The following IRF5 variants were observed in gnomAD, a reference collection of about 807,000 sequenced individuals.
The protein encoded by IRF5 is interferon regulatory factor 5.
A neutral mutation model predicts 55.1 loss-of-function variants in IRF5; 24 were observed. The ratio of observed to expected loss-of-function variants is 0.44; its 90% CI spans 0.32 to 0.61. The LOEUF is 0.61. IRF5 is among the 20% of genes least tolerant of loss of function. IRF5 has a pLI of 0.07. For missense variants in IRF5, 499 were observed against 658.5 expected, an observed-to-expected ratio of 0.76 and a Z score of 2.65; for synonymous variants, 258 against 260.2, an observed-to-expected ratio of 0.99 and a Z score of 0.08.
chr7:128,938,405 C>A (rs545570324), intron 1 of IRF5, among the ~76,000 whole-genome samples: 13 of 152,358 alleles, frequency 8.5e-5, no homozygotes, highest in African/African-American at 2.9e-4. Context: ...TCTCCCTCCC[C>A]CTCGCCATCG....
At chr7:128,942,474 A>T (rs1796082533) in intron 2 of IRF5, among the ~76,000 whole-genome samples, 198 bp downstream of exon 2, 1 of 149,802 alleles carries the variant, frequency 6.7e-6, no homozygotes, top group African/African-American at 2.5e-5. Context: ...TTTTTTTAAG[A>T]CAGAGTCTCG....
At position 128,947,087 on chromosome 7, in the gene IRF5, A is replaced by C. The variant is rs1259037884; in HGVS notation, c.481+31A>C. On this transcript the variant is annotated intron_variant, in intron 5 of 8. Transcript: ENST00000357234. The surrounding 1 kb of genome is among the most constrained non-coding windows in gnomAD (Gnocchi z 6.5). ...GCCGGGAGGTGGTGGTTGGGGGTCT[A>C]GTATACAGAGAAGCTATAGGTACCA... 6.2e-6 allele frequency: 10 copies of C among 1,613,878 alleles called. No individual in the cohort carries two copies. The highest frequency in any genetic ancestry group is 8.5e-6 in the Non-Finnish European group (10 of 1,179,984).
At chr7:128,945,200 A>AC (rs749789433) in intron 2 of IRF5, among the ~76,000 whole-genome samples, 2 of 151,936 alleles carry the variant, frequency 1.3e-5, no homozygotes, top group Non-Finnish European at 2.9e-5. Flanking sequence ...GCAGCCTTGA[A>AC]CTCCCCAGCT....
rs184789630 is a variant in IRF5 at position 128,947,188 on chromosome 7, G to A, written c.482-42G>A. ...AGGAGGTGTGCCTGGGAGGCAGTTCGTGGAGGTGGCACTGACAGCCGTCCA... is the reference window on the plus strand; with the variant it reads ...AGGAGGTGTGCCTGGGAGGCAGTTCATGGAGGTGGCACTGACAGCCGTCCA... On this transcript the variant is annotated intron_variant, in intron 5 of 8. Coordinates refer to ENST00000357234, the MANE Select transcript of IRF5 (RefSeq NM_001098629.3). The surrounding 1 kb of genome is among the most constrained non-coding windows in gnomAD (Gnocchi z 6.5). 913 of 1,599,304 alleles carry A rather than the reference G, an allele frequency of 5.7e-4. 2 individuals carry two copies. The highest frequency in any genetic ancestry group is 7.2e-4 in the Non-Finnish European group (849 of 1,171,566).
chr7:128,946,506 C>T lies in IRF5; in HGVS notation c.391C>T (p.Gln131Ter). The T allele has an allele frequency of 6.2e-7, 1 of 1,607,072 alleles. No homozygotes were observed. The highest frequency in any genetic ancestry group is 8.5e-7 in the Non-Finnish European group (1 of 1,177,106). Residue 131 changes from glutamine (Q) to a stop codon, truncating the protein, a stop_gained, in exon 4 of 9, where the codon CAG (glutamine) becomes TAG (stop). Coordinates refer to ENST00000357234, the MANE Select transcript of IRF5 (RefSeq NM_001098629.3). LOFTEE classifies it high-confidence loss of function. This position sits in a 1 kb window ranked among gnomAD's most constrained non-coding sequence, Gnocchi z 4.2. ...CSNGPAPTDS[Q>*]PPEDYSFGAG... Reference sequence around the variant, plus strand: ...TTTCTCTCCCTGCTGTGCAGACTCCCAGCCCCCTGAGGATTACTCTTTTGG... The same window carrying T: ...TTTCTCTCCCTGCTGTGCAGACTCCTAGCCCCCTGAGGATTACTCTTTTGG...
At chr7:128,945,758 CA>C in intron 2 of IRF5, 86 bp from the exon 3 acceptor site, 1 of 1,335,606 alleles carries the variant, frequency 7.5e-7, no homozygotes, top group East Asian at 2.4e-5. Context: ...TCTCCCCACA[CA>C]GTAGAGTCTC....
In IRF5 at chr7:128,949,911, T is replaced by G. The variant is rs775638157; in HGVS notation, c.*1093T>G. 6.6e-6 allele frequency: 1 copy of G among 152,138 alleles called. No homozygotes were observed. The highest frequency in any genetic ancestry group is 1.5e-5 in the Non-Finnish European group (1 of 68,044). 9.4% of individuals were successfully genotyped at this position (152,138 alleles called of 1,614,324 possible). A position where few individuals can be genotyped will look rare whatever the true frequency, so the allele number is the denominator to read the frequency against. The stretch of plus-strand genomic sequence containing the variant: ...CTTCATCTGTGTCATCTCTGCACAC[T>G]CCAGCCCACTTTCTGCCTTCAGCCA... On this transcript the variant is annotated 3_prime_UTR_variant, in exon 9 of 9. Coordinates refer to ENST00000357234, the MANE Select transcript of IRF5 (RefSeq NM_001098629.3).
At position 128,938,022 on chromosome 7, in the gene IRF5, CGCA is replaced by C. The variant is rs1431464315; in HGVS notation, c.-36_-34del. 6.6e-6 allele frequency: 1 copy of C among 152,076 alleles called. No individual in the cohort carries two copies. The highest frequency in any genetic ancestry group is 1.5e-5 in the Non-Finnish European group (1 of 68,014). 9.4% of individuals were successfully genotyped at this position (152,076 alleles called of 1,614,324 possible). ...CCGCCGCCCGGCCGGTGCTCCCTGG[CGCA>C]GCCACGCAGGCGCACCGCAGACAGG... is the stretch of plus-strand genomic sequence containing the variant. On this transcript the variant is annotated 5_prime_UTR_variant, in exon 1 of 9. Transcript: ENST00000357234.
At position 128,946,403 on chromosome 7, in the gene IRF5, G is replaced by T. The variant is rs1796304230; in HGVS notation, c.386-98G>T. The T allele has an allele frequency of 2.2e-5, 31 of 1,441,638 alleles. No homozygotes were observed. The South Asian group carries it at 3.9e-4, about 18-fold the overall frequency. 89.3% of individuals were successfully genotyped at this position (1,441,638 alleles called of 1,614,324 possible). On this transcript the variant is annotated intron_variant, in intron 3 of 8. Transcript: ENST00000357234. This position sits in a 1 kb window ranked among gnomAD's most constrained non-coding sequence, Gnocchi z 4.2. ...GTTGGGGGCAGCTTTGGGGAAGGCA[G>T]AAGCTGCATAGGAGCTACAGGCAGC...
chr7:128,947,271 C>T lies in IRF5; in HGVS notation c.523C>T (p.Leu175Phe). The change falls in exon 6 of 9, where the codon CTC becomes TTC. Residue 175 changes from leucine (L) to phenylalanine (F), a missense_variant. Physicochemically the swap from Leu to Phe is conservative, Grantham distance 22 (BLOSUM62 0). Transcript: ENST00000357234. This position sits in a 1 kb window ranked among gnomAD's most constrained non-coding sequence, Gnocchi z 6.5. ...SGPHMTPYSL[L>F]KEDVKWPPTL... ...CCCCCACATGACACCCTATTCTTTA[C>T]TCAAAGAGGATGTCAAGTGGCCGCC... is the stretch of plus-strand genomic sequence containing the variant. 2.5e-6 allele frequency: 4 copies of T among 1,611,222 alleles called. No homozygotes were observed. The highest frequency in any genetic ancestry group is 3.4e-6 in the Non-Finnish European group (4 of 1,178,932).
rs1264159653 is a variant in IRF5, at chr7:128,949,535, T to G, written c.*717T>G. On this transcript the variant is annotated 3_prime_UTR_variant, in exon 9 of 9. Coordinates refer to ENST00000357234, the MANE Select transcript of IRF5 (RefSeq NM_001098629.3). ...TGGGAGGGCCTGGCTTCTGGGCTGA[T>G]GGGTCAGTTGGGCCTTCATAAACAC... The G allele has an allele frequency of 6.6e-6, 1 of 152,156 alleles. No homozygotes were observed. Among genetic ancestry groups the G allele is most frequent in the Non-Finnish European group, 1.5e-5 (1 of 68,054 alleles). 9.4% of individuals were successfully genotyped at this position (152,156 alleles called of 1,614,324 possible). A position where few individuals can be genotyped will look rare whatever the true frequency, so the allele number is the denominator to read the frequency against.
chr7:128,944,679 T>C (rs891199911), intron 2 of IRF5, among the ~76,000 whole-genome samples: 2 of 152,246 alleles, frequency 1.3e-5, no homozygotes, highest in Non-Finnish European at 2.9e-5. Flanking sequence ...TATGGAACTA[T>C]CCTTTCCTCT....
In IRF5 at chr7:128,948,418, T is replaced by G; in HGVS notation, c.1299+90T>G. On this transcript the variant is annotated intron_variant, in intron 8 of 8. Coordinates refer to ENST00000357234, the MANE Select transcript of IRF5 (RefSeq NM_001098629.3). The surrounding 1 kb of genome is among the most constrained non-coding windows in gnomAD (Gnocchi z 4.6). ...TTGCCCCAGGCTGGAGGCTCAGGGC[T>G]CCCTGAGCAGTGTGAACTTGGCGGC... 2 of 1,446,192 alleles carry G rather than the reference T, an allele frequency of 1.4e-6. No homozygotes were observed. The highest frequency in any genetic ancestry group is 1.9e-6 in the Non-Finnish European group (2 of 1,058,370). The allele number at this position is 1,446,192 out of a possible 1,614,324, so 89.6% of individuals were successfully genotyped here.
At position 128,942,155 on chromosome 7, in the gene IRF5, T is replaced by C. The variant is rs1276578665; in HGVS notation, c.74T>C (p.Val25Ala). 6.2e-7 allele frequency: 1 copy of C among 1,613,506 alleles called. No homozygotes were observed. ...VRLKPWLVAQ[V>A]NSCQYPGLQW... ...CTGAAGCCCTGGCTGGTGGCCCAGGTGAACAGCTGCCAGTACCCAGGGCTT... is the reference window on the plus strand; with the variant it reads ...CTGAAGCCCTGGCTGGTGGCCCAGGCGAACAGCTGCCAGTACCCAGGGCTT... Residue 25 changes from valine to alanine, a missense_variant, in exon 2 of 9, where the codon GTG (valine) becomes GCG (alanine). Val to Ala is a moderately conservative substitution (Grantham distance 64). Coordinates refer to ENST00000357234, the MANE Select transcript of IRF5 (RefSeq NM_001098629.3).
chr7:128,943,021 C>T (rs1005824869), intron 2 of IRF5: 1 of 135,022 alleles, frequency 7.4e-6, no homozygotes, highest in Non-Finnish European at 1.5e-5. Context: ...GACCAGATTC[C>T]AATTTTTTTT....
intron 2 of IRF5, among the ~76,000 whole-genome samples, chr7:128,945,416 C>G (rs566950805): frequency 1.5e-3 from 232 of 152,298 alleles, no homozygotes; most frequent in African/African-American, 5.4e-3. Flanking sequence ...AACATCAACC[C>G]CTTGAGTCTT....
At chr7:128,945,586 A>G (rs1487463573) in intron 2 of IRF5, among the ~76,000 whole-genome samples, 2 of 152,168 alleles carry the variant, frequency 1.3e-5, no homozygotes, top group Non-Finnish European at 2.9e-5. Context: ...CTTAGAGATC[A>G]CACTGTTTCA....
chr7:128,949,202 C>T lies in IRF5; in HGVS notation c.*384C>T, dbSNP rs947728943. ...GTCCCCCCACAGGGCCTCTGCAGGGCATGGCCCTGATTTCCCTGGTTTGAG... is the reference window on the plus strand; with the variant it reads ...GTCCCCCCACAGGGCCTCTGCAGGGTATGGCCCTGATTTCCCTGGTTTGAG... On this transcript the variant is annotated 3_prime_UTR_variant, in exon 9 of 9. Coordinates refer to ENST00000357234, the MANE Select transcript of IRF5 (RefSeq NM_001098629.3). The T allele has an allele frequency of 4.8e-6, 1 of 210,324 alleles. No homozygotes were observed. The highest frequency in any genetic ancestry group is 5.2e-5 in the Admixed American group (1 of 19,062). 13.0% of individuals were successfully genotyped at this position (210,324 alleles called of 1,614,324 possible).
At position 128,938,058 on chromosome 7, in the gene IRF5, C is replaced by G. The variant is rs551869927; in HGVS notation, c.-12+9C>G. 0.014 allele frequency: 2,081 copies of G among 152,352 alleles called. 60 individuals carry two copies. Among genetic ancestry groups the G allele is most frequent in the African/African-American group, 0.047 (1,964 of 41,534 alleles). 9.4% of individuals were successfully genotyped at this position (152,352 alleles called of 1,614,324 possible). A position where few individuals can be genotyped will look rare whatever the true frequency, so the allele number is the denominator to read the frequency against. On this transcript the variant is annotated intron_variant, in intron 1 of 8. Coordinates refer to ENST00000357234, the MANE Select transcript of IRF5 (RefSeq NM_001098629.3). ...AGGCGCACCGCAGACAGGTGGGTCC[C>G]GGCCGCCGCGCTCTCCTCTCTGCGT...
Sources: gnomAD v4.1 joint callset for allele counts (sites outside exome capture counted in the v4.1 genomes callset) on GRCh38, gnomAD v4.1.1 for gene constraint, Gnocchi (gnomAD v3.1) non-coding constraint, MANE v1.5 for transcripts, NCBI Gene and HGNC (gene_info 2026-07-23, HGNC 2026-07-21) for gene names.